GRID1: variants seen among roughly 807,000 people sequenced by gnomAD.
GRID1 encodes glutamate ionotropic receptor delta type subunit 1, also known as glutamate receptor ionotropic, delta-1.
GRID1 carries 28 observed loss-of-function variants against 98.0 expected under a neutral mutation model. That is an observed-to-expected ratio of 0.29 (90% confidence interval 0.21 to 0.39). GRID1 has a LOEUF of 0.39. GRID1 is among the 10% of genes least tolerant of loss of function. GRID1 has a pLI of 1.00. For missense variants in GRID1, 1,111 were observed against 1,340.5 expected (o/e 0.83, Z 2.67); for synonymous variants, 553 against 538.5 (o/e 1.03, Z -0.37).
chr10:85,800,465 A>T (rs2132751944), intron 8 of GRID1, among the ~76,000 whole-genome samples: 1 of 152,226 alleles, frequency 6.6e-6, no homozygotes, highest in Admixed American at 6.5e-5. Context: ...TAACTCCAAG[A>T]TCATAGAAAA....
intron 4 of GRID1, among the ~76,000 whole-genome samples, chr10:86,063,341 T>A (rs12245920): frequency 0.071 from 10,793 of 152,148 alleles, 445 homozygotes; most frequent in East Asian, 0.14. Context: ...ATAAAGGAGC[T>A]CATGGTGAAC....
At chr10:85,767,943 C>G (rs554602959) in intron 8 of GRID1, among the ~76,000 whole-genome samples, 2 of 152,080 alleles carry the variant, frequency 1.3e-5, no homozygotes, top group East Asian at 3.8e-4. Context: ...TTGCTGTTTG[C>G]AGAAAAAAAT....
chr10:85,609,137 CAG>C (rs1842705323), intron 15 of GRID1, among the ~76,000 whole-genome samples: 1 of 152,200 alleles, frequency 6.6e-6, no homozygotes, highest in South Asian at 2.1e-4. Context: ...GCCTGGGAGG[CAG>C]CAGGGGTACA....
chr10:86,178,367 A>G (rs56064086), intron 3 of GRID1, among the ~76,000 whole-genome samples: 11,297 of 152,050 alleles, frequency 0.074, 464 homozygotes, highest in South Asian at 0.1. Flanking sequence ...CAGTGGAGGG[A>G]GGACAGGGGG....
intron 2 of GRID1, among the ~76,000 whole-genome samples, chr10:86,272,894 G>C (rs1163047612): frequency 6.6e-6 from 1 of 152,018 alleles, no homozygotes; most frequent in Non-Finnish European, 1.5e-5. Flanking sequence ...CTTTTTGTTT[G>C]TTTGTTTGTT....
At chr10:86,157,740 A>G (rs1161482396) in intron 3 of GRID1, among the ~76,000 whole-genome samples, 5 of 152,202 alleles carry the variant, frequency 3.3e-5, no homozygotes. Context: ...AGGTTACCCT[A>G]GGGACAACCT....
At chr10:85,791,250 T>C (rs995653034) in intron 8 of GRID1, among the ~76,000 whole-genome samples, 1 of 152,104 alleles carries the variant, frequency 6.6e-6, no homozygotes, top group Non-Finnish European at 1.5e-5. Flanking sequence ...TGTGTTGTGG[T>C]TTCCAGCCAC....
intron 2 of GRID1, among the ~76,000 whole-genome samples, chr10:86,340,176 C>A (rs561055908): frequency 6.6e-6 from 1 of 152,006 alleles, no homozygotes; most frequent in Non-Finnish European, 1.5e-5. Context: ...CCAGGAGTTG[C>A]TGAGCAAGGA....
intron 8 of GRID1, among the ~76,000 whole-genome samples, chr10:85,832,143 T>C (rs901382649): frequency 3.9e-5 from 6 of 152,064 alleles, no homozygotes; most frequent in African/African-American, 1.2e-4. Context: ...CAAGAAATAA[T>C]ATAAAATCTA....
chr10:85,912,037 T>C (rs1284264352), intron 5 of GRID1, among the ~76,000 whole-genome samples: 2 of 152,098 alleles, frequency 1.3e-5, no homozygotes, highest in African/African-American at 2.4e-5. Context: ...GAAATGCTTG[T>C]CAATGCAATT....
At chr10:86,288,725 A>T (rs1312494047) in intron 2 of GRID1, among the ~76,000 whole-genome samples, 1 of 152,202 alleles carries the variant, frequency 6.6e-6, no homozygotes, top group Non-Finnish European at 1.5e-5. Context: ...AAATTGCCAG[A>T]TAATGTCAAT....
intron 4 of GRID1, among the ~76,000 whole-genome samples, chr10:86,075,322 TAAG>T (rs773008240): frequency 3.7e-4 from 54 of 146,252 alleles, no homozygotes; most frequent in Non-Finnish European, 7.1e-4. Context: ...GGCATCCTCA[TAAG>T]AAGGAGAAAT....
intron 5 of GRID1, among the ~76,000 whole-genome samples, chr10:85,885,239 G>A (rs903608056): frequency 4.6e-5 from 7 of 152,136 alleles, no homozygotes; most frequent in Non-Finnish European, 1.0e-4. Flanking sequence ...CCTCCCAAAA[G>A]GTACATGCTT....
intron 4 of GRID1, among the ~76,000 whole-genome samples, chr10:86,087,726 GCC>G (rs71875956): frequency 0.052 from 7,948 of 152,188 alleles, 473 homozygotes; most frequent in African/African-American, 0.14. Context: ...GAGATGTGCA[GCC>G]CAGCACAGAT....
intron 3 of GRID1, among the ~76,000 whole-genome samples, chr10:86,161,864 A>T (rs1845328227): frequency 6.6e-6 from 1 of 152,230 alleles, no homozygotes; most frequent in South Asian, 2.1e-4. Context: ...ACCAAGAGGA[A>T]ATCAAACAAA....
At chr10:86,274,795 C>CTT (rs1847243843) in intron 2 of GRID1, among the ~76,000 whole-genome samples, 1 of 151,614 alleles carries the variant, frequency 6.6e-6, no homozygotes, top group Non-Finnish European at 1.5e-5. Context: ...TGCTTATCAG[C>CTT]TTAAGGAGAT....
chr10:85,888,173 G>A (rs79210395), intron 5 of GRID1, among the ~76,000 whole-genome samples: 11,268 of 152,252 alleles, frequency 0.074, 481 homozygotes, highest in Middle Eastern at 0.14. Flanking sequence ...TATAAATGAC[G>A]CAATAGCTTC....
At position 85,668,661 on chromosome 10, in the gene GRID1, A is replaced by G. The variant is rs551617541; in HGVS notation, c.1998-21264T>C. ...AGTCACTTTCCAAGGACACACAGCT[A>G]ATGAGTCTGCCAGGACTCTGCCCAC... is the stretch of plus-strand genomic sequence containing the variant. On this transcript the variant is annotated intron_variant, in intron 12 of 15. Transcript: ENST00000327946. Among the ~76,000 whole-genome samples, 28 of 152,336 alleles carry G rather than the reference A, an allele frequency of 1.8e-4. No individual in the cohort carries two copies. In the South Asian group the frequency reaches 5.4e-3, roughly 29 times the overall value.
intron 5 of GRID1, among the ~76,000 whole-genome samples, chr10:85,904,944 A>AT (rs1281861076): frequency 1.3e-5 from 2 of 152,020 alleles, no homozygotes; most frequent in Non-Finnish European, 2.9e-5. Context: ...AATATAAAAG[A>AT]TTTTTTTCAC....
Sources: allele counts gnomAD v4.1 joint callset (sites outside exome capture counted in the v4.1 genomes callset), GRCh38; gene constraint gnomAD v4.1.1; transcripts MANE v1.5; gene names NCBI Gene and HGNC (gene_info 2026-07-23, HGNC 2026-07-21).